Variants in PNPT1 observed in about 807,000 individuals in gnomAD.
PNPT1 encodes polyribonucleotide nucleotidyltransferase 1.
Under a neutral mutation model 119.5 loss-of-function variants are expected in PNPT1, and 53 were observed. That is an observed-to-expected ratio of 0.44 (90% CI 0.36 to 0.56). The LOEUF (loss-of-function observed/expected upper bound fraction) is 0.56, where lower values mean the gene tolerates loss of function less well. PNPT1 is among the 20% of genes least tolerant of loss of function. The pLI, the probability that PNPT1 is intolerant of heterozygous loss-of-function variation, is 0.00. For synonymous variants in PNPT1, 357 were observed against 322.1 expected (o/e 1.11, Z -1.16); for missense variants, 948 against 938.5 (o/e 1.01, Z -0.13).
At chr2:55,692,155 G>A (rs992161687) in intron 1 of PNPT1, among the ~76,000 whole-genome samples, 1 of 151,816 alleles carries the variant, frequency 6.6e-6, no homozygotes, top group African/African-American at 2.4e-5. Context: ...AAAGTGCTCG[G>A]ATTACAGGTG....
At chr2:55,638,974 C>T (rs1450654432) in intron 26 of PNPT1, among the ~76,000 whole-genome samples, 1 of 152,058 alleles carries the variant, frequency 6.6e-6, no homozygotes, top group African/African-American at 2.4e-5. Flanking sequence ...CGGGGGTTTG[C>T]CATGTTGGCC....
Position 55,639,862 on chromosome 2 carries a change from G to C in PNPT1, c.2148+765C>G, listed in dbSNP as rs185101647. Reference sequence around the variant, plus strand: ...CTAGTAAACCCTCCTGCCCCAACAAGATTATCTTTTCCTACCACCTTTTTT... The same window carrying C: ...CTAGTAAACCCTCCTGCCCCAACAACATTATCTTTTCCTACCACCTTTTTT... On this transcript the variant is annotated intron_variant, in intron 26 of 27. Transcript: ENST00000447944. 9.2e-5 allele frequency among the ~76,000 whole-genome samples: 14 copies of C among 152,164 alleles called. No individual in the cohort carries two copies. In the East Asian group the frequency reaches 2.5e-3, roughly 27 times the overall value.
At chr2:55,644,599 A>C in intron 23 of PNPT1, 38 bp downstream of exon 23, 1 of 1,478,210 alleles carries the variant, frequency 6.8e-7, no homozygotes, top group Non-Finnish European at 9.4e-7. Flanking sequence ...ATGGTCTAGC[A>C]TTTAATTAAA....
Position 55,680,698 on chromosome 2 carries a change from A to G in PNPT1, c.565+14T>C. 6.2e-7 allele frequency: 1 copy of G among 1,607,072 alleles called. No homozygotes were observed. The highest frequency in any genetic ancestry group is 1.1e-5 in the South Asian group (1 of 89,414). On this transcript the variant is annotated intron_variant, in intron 7 of 27. Coordinates refer to ENST00000447944, the MANE Select transcript of PNPT1 (RefSeq NM_033109.5). ...AATACACATATGATTTCTTACTTTT[A>G]AATCCTAACTTACCAACAGGTCCAT...
At chr2:55,641,516 T>C (rs1333505643) in intron 25 of PNPT1, among the ~76,000 whole-genome samples, 1 of 151,992 alleles carries the variant, frequency 6.6e-6, no homozygotes, top group African/African-American at 2.4e-5. Context: ...CGAAATGACA[T>C]TAAATATTTT....
intron 17 of PNPT1, 98 bp downstream of exon 17, chr2:55,656,033 G>A (rs1696374772): frequency 2.1e-6 from 3 of 1,437,808 alleles, no homozygotes; most frequent in Non-Finnish European, 1.9e-6. Context: ...CTTGGGTTCT[G>A]TAGTAATAAA....
Position 55,679,701 on chromosome 2 carries a change from T to C in PNPT1, c.660A>G (p.Gly220=). ...SSSTLNLVVA[G]APKSQIVMLE... is the part of the protein sequence containing the mutation. ...ACTTACCAATCTGACTTTTAGGTGC[T>C]CCAGCAACCACTAAATTTAAAGTAC... The change falls in exon 8 of 28, where the codon GGA becomes GGG. Residue 220 remains glycine, a synonymous_variant. Transcript: ENST00000447944. 1 of 1,609,496 alleles carries C rather than the reference T, an allele frequency of 6.2e-7. No homozygotes were observed. Among genetic ancestry groups the C allele is most frequent in the Non-Finnish European group, 8.5e-7 (1 of 1,176,966 alleles).
At chr2:55,643,031 C>T (rs1572795728) in intron 25 of PNPT1, 127 bp downstream of exon 25, 1 of 927,016 alleles carries the variant, frequency 1.1e-6, no homozygotes, top group East Asian at 2.6e-5. Flanking sequence ...GGAGAACTGC[C>T]TGATCCCAGG....
intron 18 of PNPT1, among the ~76,000 whole-genome samples, chr2:55,648,828 G>T (rs974079584): frequency 2.0e-5 from 3 of 151,978 alleles, no homozygotes; most frequent in Non-Finnish European, 4.4e-5. Flanking sequence ...TTTAGTTTAC[G>T]TAATCATGGT....
At chr2:55,669,762 C>T (rs2627770) in intron 11 of PNPT1, among the ~76,000 whole-genome samples, 218 of 3,210 alleles carry the variant, frequency 0.068, 10 homozygotes, top group Non-Finnish European at 0.21. Context: ...GCTAACAGCA[C>T]TTTTTTTTTT....
intron 19 of PNPT1, 147 bp downstream of exon 19, chr2:55,647,200 C>G: frequency 3.6e-6 from 2 of 555,936 alleles, no homozygotes; most frequent in Non-Finnish European, 6.2e-6. Context: ...GAACAAGTAC[C>G]TGTTCTTCAA....
At chr2:55,643,042 A>C (rs931948590) in intron 25 of PNPT1, 116 bp downstream of exon 25, 3 of 1,042,322 alleles carry the variant, frequency 2.9e-6, no homozygotes, top group Non-Finnish European at 4.4e-6. Flanking sequence ...TGATCCCAGG[A>C]GTTCAAGGCA....
intron 2 of PNPT1, among the ~76,000 whole-genome samples, chr2:55,687,324 C>G (rs1433309168): frequency 6.6e-6 from 1 of 151,906 alleles, no homozygotes; most frequent in Non-Finnish European, 1.5e-5. Flanking sequence ...CCTGTAGTCC[C>G]AGCTACTCGG....
intron 17 of PNPT1, among the ~76,000 whole-genome samples, 155 bp from the exon 18 acceptor site, chr2:55,655,108 A>G (rs1034551495): frequency 1.3e-5 from 2 of 152,182 alleles, no homozygotes; most frequent in Non-Finnish European, 2.9e-5. Flanking sequence ...CTTTTAAGCT[A>G]TAAACTATGG....
Position 55,643,179 on chromosome 2 carries a change from G to A in PNPT1, c.2048C>T (p.Thr683Ile). 6.2e-7 allele frequency: 1 copy of A among 1,614,100 alleles called. No individual in the cohort carries two copies. ...EQQLEFGAVY[T>I]ATITEIRDTG... The stretch of plus-strand genomic sequence containing the variant: ...TTACCTGATTTCAGTTATTGTGGCG[G>A]TATATACTGCTCCAAATTCTAATTG... The change falls in exon 25 of 28, where the codon ACC becomes ATC. Residue 683 changes from threonine (T) to isoleucine (I), a missense_variant. Thr to Ile is a moderately conservative substitution (Grantham distance 89). Coordinates refer to ENST00000447944, the MANE Select transcript of PNPT1 (RefSeq NM_033109.5).
At chr2:55,663,698 G>T (rs190405378) in intron 13 of PNPT1, among the ~76,000 whole-genome samples, 1 of 152,296 alleles carries the variant, frequency 6.6e-6, no homozygotes, top group Admixed American at 6.5e-5. Flanking sequence ...CACTGAAACG[G>T]CTGGGTGCGG....
intron 1 of PNPT1, among the ~76,000 whole-genome samples, chr2:55,692,249 A>G (rs1166817716): frequency 6.6e-6 from 1 of 152,062 alleles, no homozygotes; most frequent in Non-Finnish European, 1.5e-5. Context: ...CAAAAAGCCT[A>G]ATATATATAT....
intron 1 of PNPT1, among the ~76,000 whole-genome samples, chr2:55,690,605 A>G (rs913274849): frequency 3.9e-5 from 6 of 152,248 alleles, no homozygotes; most frequent in African/African-American, 7.2e-5. Context: ...CATTTTGTTA[A>G]GTTTGAAAGT....
chr2:55,681,406 CTAAATAAA>C (rs1008285484), intron 5 of PNPT1, among the ~76,000 whole-genome samples: 1 of 151,696 alleles, frequency 6.6e-6, no homozygotes, highest in Non-Finnish European at 1.5e-5. Flanking sequence ...GAATCTGTCT[CTAAATAAA>C]TAAATAAACG....
Sources: gnomAD v4.1 joint callset for allele counts (sites outside exome capture counted in the v4.1 genomes callset) on GRCh38, gnomAD v4.1.1 for gene constraint, MANE v1.5 for transcripts, NCBI Gene and HGNC (gene_info 2026-07-23, HGNC 2026-07-21) for gene names.